The following COLEC10 variants were observed in gnomAD, a reference collection of about 807,000 sequenced individuals.
The protein encoded by COLEC10 is collectin-10.
In COLEC10, 22 loss-of-function variants were observed where a neutral mutation model predicts 28.4. That is an observed-to-expected ratio of 0.78 (90% confidence interval 0.55 to 1.11). The LOEUF (loss-of-function observed/expected upper bound fraction) is 1.11, where lower values mean the gene tolerates loss of function less well. COLEC10 is among the 50% of genes least tolerant of loss of function. The pLI is 0.00. For missense variants in COLEC10, 361 were observed against 344.1 expected (o/e 1.05, Z -0.39); for synonymous variants, 125 against 116.1 (o/e 1.08, Z -0.49).
In COLEC10 at chr8:119,107,780, G is replaced by T. The variant is rs1285285514; in HGVS notation, c.*1589G>T. 6.6e-6 allele frequency among the ~76,000 whole-genome samples: 1 copy of T among 152,168 alleles called. No homozygotes were observed. The highest frequency in any genetic ancestry group is 6.6e-5 in the Admixed American group (1 of 15,254). ...AGTGGCTGCTGCTGGTGCTAGGGAGGACCCAATCTTGCTAAATGTGCTGAT... is the reference window on the plus strand; with the variant it reads ...AGTGGCTGCTGCTGGTGCTAGGGAGTACCCAATCTTGCTAAATGTGCTGAT... On this transcript the variant is annotated 3_prime_UTR_variant, in exon 6 of 6. Coordinates refer to ENST00000332843, the MANE Select transcript of COLEC10 (RefSeq NM_006438.5).
chr8:119,010,920 A>C (rs760757478), intron 2 of COLEC10, among the ~76,000 whole-genome samples: 1 of 150,980 alleles, frequency 6.6e-6, no homozygotes, highest in Non-Finnish European at 1.5e-5. Flanking sequence ...GATATGTCTT[A>C]CGTCTTTCTC....
At chr8:119,063,350 C>G (rs1267382772), upstream of COLEC10, 1 of 152,218 alleles carries the variant, frequency 6.6e-6, no homozygotes, top group African/African-American at 2.4e-5. Flanking sequence ...TCATACTTCT[C>G]AAGGCCACAA....
At chr8:119,038,231 C>A (rs1198170347) in intron 2 of COLEC10, among the ~76,000 whole-genome samples, 1 of 152,194 alleles carries the variant, frequency 6.6e-6, no homozygotes, top group African/African-American at 2.4e-5. Flanking sequence ...GCATGATAAC[C>A]TTGAGCATTA....
chr8:119,064,921 A>G (rs1435745837), upstream of COLEC10, among the ~76,000 whole-genome samples: 1 of 152,090 alleles, frequency 6.6e-6, no homozygotes, highest in African/African-American at 2.4e-5. Flanking sequence ...GACTATTTTG[A>G]GACTAAATGA....
At chr8:118,979,962 T>C in the COLEC10 span, among the ~76,000 whole-genome samples, 1 of 152,222 alleles carries the variant, frequency 6.6e-6, no homozygotes, top group East Asian at 1.9e-4. Context: ...TTGTCTTTCA[T>C]AAGGCTGCTC....
At chr8:119,060,378 G>A (rs961087385) in intron 2 of COLEC10, among the ~76,000 whole-genome samples, 1 of 152,088 alleles carries the variant, frequency 6.6e-6, no homozygotes, top group Non-Finnish European at 1.5e-5. Flanking sequence ...TATGTGTTTT[G>A]AATGGAGGCA....
At chr8:119,007,674 A>G (rs1370458677) in intron 1 of COLEC10, among the ~76,000 whole-genome samples, 1 of 151,074 alleles carries the variant, frequency 6.6e-6, no homozygotes, top group African/African-American at 2.5e-5. Flanking sequence ...TGCCCAAAGT[A>G]TGTTAGTAAT....
chr8:119,102,618 C>A (rs1815860006), intron 4 of COLEC10: 1 of 448,782 alleles, frequency 2.2e-6, no homozygotes, highest in Non-Finnish European at 3.9e-6. Context: ...TTCATCCCTG[C>A]CATGCTTACT....
intron 1 of COLEC10, among the ~76,000 whole-genome samples, chr8:118,999,436 CA>C (rs1463890647): frequency 1.3e-5 from 2 of 151,794 alleles, no homozygotes; most frequent in Non-Finnish European, 2.9e-5. Context: ...ACTGAAAATA[CA>C]AAAATTAGCC....
At chr8:119,034,338 A>G (rs1814348239) in intron 2 of COLEC10, among the ~76,000 whole-genome samples, 2 of 150,294 alleles carry the variant, frequency 1.3e-5, no homozygotes, top group South Asian at 4.2e-4. Context: ...ATGTATACCT[A>G]TGTAACAAAC....
intron 2 of COLEC10, among the ~76,000 whole-genome samples, chr8:119,061,170 C>CAA (rs920723477): frequency 2.0e-5 from 3 of 151,778 alleles, no homozygotes; most frequent in African/African-American, 7.3e-5. Flanking sequence ...ACACATTCAA[C>CAA]AAAAGAGTTG....
At chr8:119,059,120 T>C (rs1814810610) in intron 2 of COLEC10, among the ~76,000 whole-genome samples, 1 of 152,116 alleles carries the variant, frequency 6.6e-6, no homozygotes, top group Non-Finnish European at 1.5e-5. Flanking sequence ...ACAAATTCTT[T>C]ATTGGATATA....
chr8:119,021,642 G>A, intron 2 of COLEC10, among the ~76,000 whole-genome samples: 1 of 152,244 alleles, frequency 6.6e-6, no homozygotes, highest in African/African-American at 2.4e-5. Context: ...CTTGGGAAGA[G>A]CCATCCTTGG....
chr8:119,025,216 A>G (rs972871448), intron 2 of COLEC10, among the ~76,000 whole-genome samples: 11 of 152,198 alleles, frequency 7.2e-5, no homozygotes, highest in African/African-American at 2.7e-4. Flanking sequence ...GATACTGAAG[A>G]ATCTGGCAAT....
chr8:118,969,009 A>G, the COLEC10 span, among the ~76,000 whole-genome samples: 4 of 152,212 alleles, frequency 2.6e-5, no homozygotes, highest in East Asian at 7.7e-4. Context: ...ATAATTGATT[A>G]CATTAAGGAT....
chr8:119,105,882 C>T lies in COLEC10; in HGVS notation c.525C>T (p.His175=), dbSNP rs1587069771. 7 of 1,613,780 alleles carry T rather than the reference C, an allele frequency of 4.3e-6. No individual in the cohort carries two copies. In the East Asian group the frequency reaches 1.6e-4, roughly 36 times the overall value. The change falls in exon 6 of 6, where the codon CAC becomes CAT. Residue 175 remains histidine (H), a synonymous_variant. Transcript: ENST00000332843. ...AGAACTACAGGGAATCCCTAACCCA[C>T]TGCAGGATTCGGGGTGGAATGCTAG... ...EEKNYRESLT[H]CRIRGGMLAM... is the part of the protein sequence containing the mutation.
chr8:119,029,566 C>A (rs1455187117), intron 2 of COLEC10, among the ~76,000 whole-genome samples: 1 of 152,110 alleles, frequency 6.6e-6, no homozygotes, highest in Non-Finnish European at 1.5e-5. Context: ...ATCACACTCA[C>A]GTTTAGATGG....
At chr8:119,051,996 C>A (rs1462151632) in intron 2 of COLEC10, among the ~76,000 whole-genome samples, 1 of 151,834 alleles carries the variant, frequency 6.6e-6, no homozygotes, top group East Asian at 1.9e-4. Context: ...TATGGCATAC[C>A]AAATGTCAAA....
chr8:119,101,074 C>A (rs1427849243), intron 3 of COLEC10, among the ~76,000 whole-genome samples: 1 of 152,146 alleles, frequency 6.6e-6, no homozygotes, highest in Non-Finnish European at 1.5e-5. Context: ...ACATGGGGCG[C>A]CCTACAGGTT....
Sources: gnomAD v4.1 joint callset for allele counts (sites outside exome capture counted in the v4.1 genomes callset) on GRCh38, gnomAD v4.1.1 for gene constraint, MANE v1.5 for transcripts, NCBI Gene and HGNC (gene_info 2026-07-23, HGNC 2026-07-21) for gene names.